The following NXN variants were observed in gnomAD, a reference collection of about 807,000 sequenced individuals.
The protein encoded by NXN is nucleoredoxin, also known as nucleoredoxin 1.
Under a neutral mutation model 48.6 loss-of-function variants are expected in NXN, and 16 were observed. The observed-to-expected ratio is 0.33, with a 90% confidence interval of 0.22 to 0.50. NXN has a LOEUF of 0.50. Ranked by LOEUF, NXN falls within the 20% of genes least tolerant of loss-of-function variation. The pLI, the probability that NXN is intolerant of heterozygous loss-of-function variation, is 0.98. For synonymous variants in NXN, 281 were observed against 269.6 expected, an observed-to-expected ratio of 1.04 and a Z score of -0.41; for missense variants, 492 against 605.5, an observed-to-expected ratio of 0.81 and a Z score of 1.97.
chr17:805,802 C>A (rs916765679), intron 5 of NXN, among the ~76,000 whole-genome samples: 1 of 152,128 alleles, frequency 6.6e-6, no homozygotes, highest in East Asian at 1.9e-4. Flanking sequence ...TGCACCACTG[C>A]ACTCCAGCCT....
At chr17:819,800 C>T (rs1182381158) in intron 4 of NXN, among the ~76,000 whole-genome samples, 6 of 152,124 alleles carry the variant, frequency 3.9e-5, no homozygotes, top group East Asian at 3.8e-4. Context: ...ATCCAGGCAA[C>T]GCAACTCAGG....
chr17:818,002 T>A (rs1298677516), intron 5 of NXN, among the ~76,000 whole-genome samples: 3 of 152,214 alleles, frequency 2.0e-5, no homozygotes, highest in African/African-American at 4.8e-5. Context: ...CTCACGCCTG[T>A]CATCCCAGCA....
At chr17:921,949 C>T (rs1053478192) in intron 1 of NXN, among the ~76,000 whole-genome samples, 2 of 152,190 alleles carry the variant, frequency 1.3e-5, no homozygotes, top group African/African-American at 2.4e-5. Context: ...TTGAGGTTAC[C>T]GCCTTCCTCC....
At chr17:814,272 G>T (rs1223243856) in intron 5 of NXN, among the ~76,000 whole-genome samples, 1 of 151,676 alleles carries the variant, frequency 6.6e-6, no homozygotes, top group African/African-American at 2.4e-5. Flanking sequence ...AAAAAGAAAA[G>T]AAAAAAAGAA....
intron 1 of NXN, among the ~76,000 whole-genome samples, chr17:899,525 C>G (rs2068518227): frequency 6.6e-6 from 1 of 152,142 alleles, no homozygotes; most frequent in African/African-American, 2.4e-5. Context: ...TTCTCTTTCC[C>G]GCAAGGAGAT....
At chr17:952,139 G>C (rs1023189092) in intron 1 of NXN, among the ~76,000 whole-genome samples, 6 of 151,922 alleles carry the variant, frequency 3.9e-5, no homozygotes, top group African/African-American at 1.2e-4. Context: ...CCAGGACAAG[G>C]CCACAGGAGG....
intron 7 of NXN, among the ~76,000 whole-genome samples, chr17:803,161 A>G (rs1911297627): frequency 6.6e-6 from 1 of 152,190 alleles, no homozygotes; most frequent in Non-Finnish European, 1.5e-5. Flanking sequence ...TGCCTGGTCC[A>G]GCCCCGCTGG....
At chr17:835,201 G>A (rs962984542) in intron 1 of NXN, among the ~76,000 whole-genome samples, 14 of 151,508 alleles carry the variant, frequency 9.2e-5, no homozygotes, top group South Asian at 4.2e-4. Flanking sequence ...CCAGCTACTC[G>A]GGAGGCTGAG....
intron 1 of NXN, among the ~76,000 whole-genome samples, chr17:950,994 G>A (rs2069102708): frequency 6.6e-6 from 1 of 151,890 alleles, no homozygotes; most frequent in African/African-American, 2.4e-5. Flanking sequence ...AATCGCTTAT[G>A]AAACAAAATC....
At chr17:810,745 T>C (rs2474685) in intron 5 of NXN, among the ~76,000 whole-genome samples, 50,528 of 151,924 alleles carry the variant, frequency 0.33, 8,852 homozygotes, top group East Asian at 0.41. Context: ...CAAAATTAGC[T>C]GGGCGTGGTA....
intron 6 of NXN, 44 bp downstream of exon 6, chr17:805,024 G>GCCCCCCCCCCCCCCCTC: frequency 7.2e-7 from 1 of 1,380,624 alleles, no homozygotes; most frequent in Non-Finnish European, 1.0e-6. Flanking sequence ...CTCCTGTCCC[G>GCCCCCCCCCCCCCCCTC]CCCCCCAGCC....
chr17:894,052 T>C (rs1391864705), intron 1 of NXN, among the ~76,000 whole-genome samples: 1 of 74,382 alleles, frequency 1.3e-5, no homozygotes, highest in Non-Finnish European at 2.5e-5. Context: ...GCATCTCAAC[T>C]CCCTGGAAGC....
intron 1 of NXN, among the ~76,000 whole-genome samples, chr17:833,698 C>T (rs1007730014): frequency 6.6e-5 from 10 of 152,152 alleles, no homozygotes; most frequent in Non-Finnish European, 1.5e-4. Flanking sequence ...GGAAACTGAT[C>T]ACGGGAGGTC....
chr17:930,155 T>A (rs1465680331), intron 1 of NXN: 1 of 151,848 alleles, frequency 6.6e-6, no homozygotes, highest in Non-Finnish European at 1.5e-5. Context: ...GGACTCAGGC[T>A]GGGTGCAGTG....
intron 1 of NXN, among the ~76,000 whole-genome samples, chr17:847,984 CTCTT>C (rs929548483): frequency 1.4e-4 from 21 of 152,214 alleles, no homozygotes; most frequent in African/African-American, 5.1e-4. Flanking sequence ...ATTCTCGTCT[CTCTT>C]TCTGCTACAT....
chr17:803,854 C>CT (rs746742616), intron 6 of NXN, 48 bp from the exon 7 acceptor site: 29 of 1,609,564 alleles, frequency 1.8e-5, no homozygotes, highest in Non-Finnish European at 2.4e-5. Flanking sequence ...AAAGCACTGG[C>CT]TTGTCAAACA....
At chr17:954,554 C>T (rs1263700067) in intron 1 of NXN, among the ~76,000 whole-genome samples, 1 of 152,224 alleles carries the variant, frequency 6.6e-6, no homozygotes, top group East Asian at 1.9e-4. Context: ...CAGGCATATT[C>T]GACCTCCCTG....
At chr17:936,666 C>T (rs929801179) in intron 1 of NXN, among the ~76,000 whole-genome samples, 1 of 150,786 alleles carries the variant, frequency 6.6e-6, no homozygotes, top group Non-Finnish European at 1.5e-5. Context: ...AAGGGTGCTA[C>T]GATGTCTGGC....
intron 1 of NXN, among the ~76,000 whole-genome samples, chr17:866,441 C>T (rs1416742154): frequency 2.6e-5 from 4 of 152,012 alleles, no homozygotes; most frequent in Admixed American, 1.3e-4. Flanking sequence ...AAGTTGGTGG[C>T]GGGCGCCTGT....
Sources: allele counts gnomAD v4.1 joint callset (sites outside exome capture counted in the v4.1 genomes callset), GRCh38; gene constraint gnomAD v4.1.1; transcripts MANE v1.5; gene names NCBI Gene and HGNC (gene_info 2026-07-23, HGNC 2026-07-21).